Variants in SYNPO observed in about 807,000 individuals in gnomAD.
SYNPO encodes synaptopodin.
A neutral mutation model predicts 49.5 loss-of-function variants in SYNPO; 19 were observed. That is an observed-to-expected ratio of 0.38 (90% CI 0.27 to 0.56). SYNPO has a LOEUF of 0.56. Among genes scored for constraint, SYNPO ranks in the 20% least tolerant of loss-of-function variants. SYNPO has a pLI of 0.68. For missense variants in SYNPO, 1,131 were observed against 1,248.3 expected (o/e 0.91, Z 1.42); for synonymous variants, 536 against 548.0 (o/e 0.98, Z 0.31).
chr5:150,642,166 AG>A (rs569991095), intron 1 of SYNPO, among the ~76,000 whole-genome samples: 15 of 152,226 alleles, frequency 9.9e-5, no homozygotes, highest in Non-Finnish European at 1.6e-4. Flanking sequence ...GGGCTGCAGC[AG>A]GGGCTCAGTA....
intron 1 of SYNPO, among the ~76,000 whole-genome samples, chr5:150,643,421 T>C (rs763761379): frequency 1.3e-5 from 2 of 152,256 alleles, no homozygotes; most frequent in Non-Finnish European, 2.9e-5. Flanking sequence ...TTGCTGCAAC[T>C]GTGTCATAAG....
intron 1 of SYNPO, among the ~76,000 whole-genome samples, chr5:150,646,186 A>AG (rs1758086306): frequency 6.6e-6 from 1 of 151,790 alleles, no homozygotes; most frequent in Admixed American, 6.6e-5. Flanking sequence ...AAAAAAAAAA[A>AG]AAAATTGGCT....
At chr5:150,628,631 A>T (rs192108411) in intron 2 of SYNPO, among the ~76,000 whole-genome samples, 1 of 152,358 alleles carries the variant, frequency 6.6e-6, no homozygotes, top group African/African-American at 2.4e-5. Context: ...AATAGCGGTC[A>T]GGTGTGGTGG....
rs58828199 is a variant in SYNPO at position 150,657,432 on chromosome 5, TCACACACACACACACACA to T, written c.*373_*390del. 20 of 139,686 alleles carry T rather than the reference TCACACACACACACACACA, an allele frequency of 1.4e-4. No individual in the cohort carries two copies. Among genetic ancestry groups the T allele is most frequent in the African/African-American group, 3.7e-4 (13 of 35,116 alleles). The allele number at this position is 139,686 out of a possible 1,614,324, so 8.7% of individuals were successfully genotyped here. ...CTCTCTCTTTCTCTCTCTCTCTCTC[TCACACACACACACACACA>T]CACACACACACACACACACACACAC... On this transcript the variant is annotated 3_prime_UTR_variant, in exon 3 of 3. Coordinates refer to ENST00000307662, the MANE Select transcript of SYNPO (RefSeq NM_007286.6).
At chr5:150,621,246 C>G (rs1208191537) in intron 2 of SYNPO, among the ~76,000 whole-genome samples, 1 of 152,168 alleles carries the variant, frequency 6.6e-6, no homozygotes, top group Non-Finnish European at 1.5e-5. Flanking sequence ...AGCCACCGCA[C>G]CAGGCCTCAT....
chr5:150,595,380 C>T, the SYNPO span, among the ~76,000 whole-genome samples: 3 of 152,216 alleles, frequency 2.0e-5, no homozygotes. Flanking sequence ...CCTGTTCTTC[C>T]CTGAAGGGAA....
upstream of SYNPO, among the ~76,000 whole-genome samples, chr5:150,597,469 T>C (rs1045016583): frequency 6.6e-6 from 1 of 151,682 alleles, no homozygotes; most frequent in Non-Finnish European, 1.5e-5. Flanking sequence ...GTAGCTGGGA[T>C]TACAGGCACG....
chr5:150,649,681 C>G lies in SYNPO; in HGVS notation c.1406C>G (p.Pro469Arg). 6.2e-7 allele frequency: 1 copy of G among 1,611,454 alleles called. No homozygotes were observed. Among genetic ancestry groups the G allele is most frequent in the Non-Finnish European group, 8.5e-7 (1 of 1,179,988 alleles). Reference protein sequence around the residue: ...PRIQAKPKPKPNQNLSEASGK... With the variant: ...PRIQAKPKPKRNQNLSEASGK... ...ATCCAGGCCAAGCCGAAGCCCAAAC[C>G]CAACCAGAACCTCTCCGAGGCCTCT... The change falls in exon 2 of 3, where the codon CCC becomes CGC. Residue 469 changes from proline (P) to arginine (R), a missense_variant. By Grantham distance (103) the Pro-to-Arg change is moderately radical. This residue lies in a region of SYNPO where 602 missense variants were observed against 720.7 expected (regional missense o/e 0.84). Transcript: ENST00000307662.
At chr5:150,651,919 G>C (rs1323881981) in intron 2 of SYNPO, 1 of 1,000,496 alleles carries the variant, frequency 1.0e-6, no homozygotes. Context: ...ACAAGTGGCA[G>C]GATTCAGATG....
chr5:150,622,129 A>G (rs1757201510), intron 2 of SYNPO, among the ~76,000 whole-genome samples: 1 of 152,232 alleles, frequency 6.6e-6, no homozygotes, highest in South Asian at 2.1e-4. Context: ...ACTGTGCTAA[A>G]TGCGCCATAT....
intron 1 of SYNPO, among the ~76,000 whole-genome samples, chr5:150,642,834 A>G (rs1452607882): frequency 6.6e-6 from 1 of 152,218 alleles, no homozygotes; most frequent in Non-Finnish European, 1.5e-5. Context: ...CTTTTCTGCC[A>G]TTCCTCTTGT....
upstream of SYNPO, among the ~76,000 whole-genome samples, chr5:150,639,738 T>C (rs1226933037): frequency 6.6e-6 from 1 of 152,242 alleles, no homozygotes; most frequent in African/African-American, 2.4e-5. Context: ...TCCCAAAATG[T>C]TGGCTCTTGT....
upstream of SYNPO, among the ~76,000 whole-genome samples, chr5:150,600,213 C>A (rs1756496553): frequency 6.6e-6 from 1 of 152,250 alleles, no homozygotes; most frequent in African/African-American, 2.4e-5. Context: ...GCTTCCAGGT[C>A]TGTTGGGATC....
intron 2 of SYNPO, among the ~76,000 whole-genome samples, chr5:150,635,121 G>T (rs1265513226): frequency 6.6e-6 from 1 of 152,200 alleles, no homozygotes; most frequent in African/African-American, 2.4e-5. Context: ...AAACACATAC[G>T]TCCCACAAGG....
chr5:150,631,827 C>A (rs1757549858), intron 2 of SYNPO, among the ~76,000 whole-genome samples: 1 of 152,192 alleles, frequency 6.6e-6, no homozygotes, highest in Admixed American at 6.5e-5. Context: ...GCCTCAGATG[C>A]AAGCTGGTGA....
intron 2 of SYNPO, among the ~76,000 whole-genome samples, chr5:150,627,530 A>C (rs1015586080): frequency 6.6e-6 from 1 of 152,240 alleles, no homozygotes; most frequent in African/African-American, 2.4e-5. Flanking sequence ...AGGCACTTGC[A>C]TTTTAATTGG....
chr5:150,646,218 T>C (rs1758088703), intron 1 of SYNPO, among the ~76,000 whole-genome samples: 2 of 149,566 alleles, frequency 1.3e-5, no homozygotes, highest in African/African-American at 4.9e-5. Flanking sequence ...CGCACACCGA[T>C]AGTCCAGATA....
the SYNPO span, among the ~76,000 whole-genome samples, chr5:150,591,139 C>T: frequency 2.0e-5 from 3 of 152,154 alleles, no homozygotes; most frequent in East Asian, 5.8e-4. Flanking sequence ...GGACATGGCC[C>T]GCAGCCCTGA....
chr5:150,596,856 T>C (rs541719525), upstream of SYNPO, among the ~76,000 whole-genome samples: 30 of 152,280 alleles, frequency 2.0e-4, no homozygotes, highest in African/African-American at 6.7e-4. Flanking sequence ...TAAGGGAAGA[T>C]AGTGTATGCA....
Sources: gnomAD v4.1 joint callset for allele counts (sites outside exome capture counted in the v4.1 genomes callset) on GRCh38, gnomAD v4.1.1 for gene constraint, gnomAD v4.1.1 regional missense constraint, MANE v1.5 for transcripts, NCBI Gene and HGNC (gene_info 2026-07-23, HGNC 2026-07-21) for gene names.